Variants in SYF2 observed in about 807,000 individuals in gnomAD.
The protein encoded by SYF2 is pre-mRNA-splicing factor SYF2.
Under a neutral mutation model 32.7 loss-of-function variants are expected in SYF2, and 21 were observed. That is an observed-to-expected ratio of 0.64 (90% CI 0.45 to 0.92). The LOEUF is 0.92. SYF2 is among the 40% of genes least tolerant of loss of function. The pLI is 0.00. For synonymous variants in SYF2, 114 were observed against 103.9 expected (o/e 1.10, Z -0.59); for missense variants, 278 against 296.5 (o/e 0.94, Z 0.46).
intron 2 of SYF2, among the ~76,000 whole-genome samples, chr1:25,229,473 T>C (rs116551033): frequency 1.4e-3 from 212 of 152,230 alleles, no homozygotes; most frequent in African/African-American, 4.1e-3. Flanking sequence ...GTAGACTTTA[T>C]TTGGCATTAC....
chr1:25,230,990 T>A (rs934025227), intron 2 of SYF2: 2 of 152,280 alleles, frequency 1.3e-5, no homozygotes, highest in Non-Finnish European at 2.9e-5. Flanking sequence ...CTATTTTTAG[T>A]AGAGACGGGG....
chr1:25,232,478 C>G lies in SYF2; in HGVS notation c.-11G>C. The G allele has an allele frequency of 1.2e-6, 2 of 1,614,216 alleles. No homozygotes were observed. Among genetic ancestry groups the G allele is most frequent in the Non-Finnish European group, 1.7e-6 (2 of 1,180,044 alleles). ...AGCTATAGCCGCCATCACAACCTTT[C>G]TCTCTTCCCACTTCCGGCAACAAGA... On this transcript the variant is annotated 5_prime_UTR_variant, in exon 1 of 7. Coordinates refer to ENST00000236273, the MANE Select transcript of SYF2 (RefSeq NM_015484.5).
chr1:25,229,818 CTT>C (rs1193809361), intron 2 of SYF2, among the ~76,000 whole-genome samples: 2 of 150,310 alleles, frequency 1.3e-5, no homozygotes, highest in Non-Finnish European at 3.0e-5. Flanking sequence ...GAAAGACACT[CTT>C]TCTTTTTTTT....
At chr1:25,227,632 C>A in intron 4 of SYF2, 100 bp from the exon 5 acceptor site, 1 of 1,053,652 alleles carries the variant, frequency 9.5e-7, no homozygotes, top group Non-Finnish European at 1.4e-6. Flanking sequence ...ATCTTTTATC[C>A]AAAACGCTTG....
At chr1:25,227,013 T>TA (rs1638525534) in intron 5 of SYF2, among the ~76,000 whole-genome samples, 1 of 149,274 alleles carries the variant, frequency 6.7e-6, no homozygotes, top group South Asian at 2.1e-4. Context: ...CCGGGCGCAG[T>TA]AGCTCACGCC....
chr1:25,227,443 GT>G lies in SYF2; in HGVS notation c.465del (p.Lys155AsnfsTer30). 2 of 1,612,920 alleles carry G rather than the reference GT, an allele frequency of 1.2e-6. No individual in the cohort carries two copies. The highest frequency in any genetic ancestry group is 1.7e-6 in the Non-Finnish European group (2 of 1,179,458). ...ACCTCAGGTTGAAAAAGGACTTACT[GT>G]TTTTCTCTCAGTCTCTCATATGTTT... ...DMETYERLRE[K>X]HGEEFFPTSN... On this transcript the variant is annotated frameshift_variant and splice_region_variant, in exon 5 of 7. Transcript: ENST00000236273. LOFTEE classifies it high-confidence loss of function.
At position 25,228,977 on chromosome 1, in the gene SYF2, GA is replaced by G; in HGVS notation, c.258+20del. The G allele has an allele frequency of 5.6e-6, 9 of 1,607,102 alleles. No individual in the cohort carries two copies. The highest frequency in any genetic ancestry group is 7.6e-6 in the Non-Finnish European group (9 of 1,177,966). ...CAGAATGATTGACTAAATCACTTATGAAGATAGAATAGTTCCTAACCTTTTT... is the reference window on the plus strand; with the variant it reads ...CAGAATGATTGACTAAATCACTTATGAGATAGAATAGTTCCTAACCTTTTT... On this transcript the variant is annotated intron_variant, in intron 3 of 6. Coordinates refer to ENST00000236273, the MANE Select transcript of SYF2 (RefSeq NM_015484.5).
chr1:25,232,197 G>C lies in SYF2; in HGVS notation c.39C>G (p.Ser13Arg). 6.2e-7 allele frequency: 1 copy of C among 1,613,534 alleles called. No individual in the cohort carries two copies. The highest frequency in any genetic ancestry group is 8.5e-7 in the Non-Finnish European group (1 of 1,179,946). Residue 13 changes from serine (S) to arginine (R), a missense_variant, in exon 2 of 7, where the codon AGC (serine) becomes AGG (arginine). Transcript: ENST00000236273. Reference sequence around the variant, plus strand: ...CCGCAGCGAGGGACCCCTCCTCCGCGCTGTCCACCAGCACCTGCGACAAGG... The same window carrying C: ...CCGCAGCGAGGGACCCCTCCTCCGCCCTGTCCACCAGCACCTGCGACAAGG... ...AIAASEVLVDSAEEGSLAAAA... is the reference protein window; with the variant it reads ...AIAASEVLVDRAEEGSLAAAA...
Position 25,223,450 on chromosome 1 carries a change from T to A in SYF2, c.567-19A>T, listed in dbSNP as rs1251720496. The A allele has an allele frequency of 1.3e-6, 2 of 1,594,644 alleles. No individual in the cohort carries two copies. The highest frequency in any genetic ancestry group is 1.8e-5 in the Admixed American group (1 of 55,092). On this transcript the variant is annotated intron_variant, in intron 6 of 6. Transcript: ENST00000236273. ...TTCAATCCTGGGGAAAGAAGAAAAT[T>A]TACAAAATTCAAAATTGCCTTCTCT...
intron 6 of SYF2, 50 bp downstream of exon 6, chr1:25,224,952 A>G (rs1458751771): frequency 2.3e-6 from 3 of 1,294,252 alleles, no homozygotes; most frequent in Non-Finnish European, 3.4e-6. Flanking sequence ...TTCTAAGTGC[A>G]TTTTGTCATG....
chr1:25,225,303 G>A lies in SYF2; in HGVS notation c.468-203C>T, dbSNP rs139115192. On this transcript the variant is annotated intron_variant, in intron 5 of 6. Transcript: ENST00000236273. The stretch of plus-strand genomic sequence containing the variant: ...AGCACTTTGGGAGGCCAAGGCAGGC[G>A]GATCGTTTGAGGTCAGGAGTTCAAG... Among the ~76,000 whole-genome samples, 909 of 151,964 alleles carry A rather than the reference G, an allele frequency of 6.0e-3. 11 individuals are homozygous for A. The highest frequency in any genetic ancestry group is 0.02 in the African/African-American group (846 of 41,414).
intron 5 of SYF2, among the ~76,000 whole-genome samples, chr1:25,225,436 G>A (rs532638333): frequency 1.3e-3 from 199 of 152,044 alleles, no homozygotes; most frequent in Middle Eastern, 0.01. Flanking sequence ...GCTGAGGCAG[G>A]AGAAGCACTT....
Position 25,229,687 on chromosome 1 carries a change from T to C in SYF2, c.133-564A>G, listed in dbSNP as rs548331682. On this transcript the variant is annotated intron_variant, in intron 2 of 6. Transcript: ENST00000236273. ...CTACTCGGGAGGCTGAGGCAGGAGA[T>C]TCACTTGAACCCAGGAGGCAGAGGT... Among the ~76,000 whole-genome samples, 13 of 151,784 alleles carry C rather than the reference T, an allele frequency of 8.6e-5. No individual in the cohort carries two copies. The South Asian group carries it at 2.5e-3, about 29-fold the overall frequency.
Position 25,222,742 on chromosome 1 carries a change from T to C in SYF2, c.*524A>G, listed in dbSNP as rs1439394904. ...AAGGGAACTGTACATGATCAGATCA[T>C]GGAAGGATAGCTCCACTCCTCCCCG... On this transcript the variant is annotated 3_prime_UTR_variant, in exon 7 of 7. Transcript: ENST00000236273. 1.3e-5 allele frequency: 2 copies of C among 152,796 alleles called. No individual in the cohort carries two copies. The highest frequency in any genetic ancestry group is 6.5e-5 in the Admixed American group (1 of 15,342). 9.5% of individuals were successfully genotyped at this position (152,796 alleles called of 1,614,324 possible). A position where few individuals can be genotyped will look rare whatever the true frequency, so the allele number is the denominator to read the frequency against.
intron 2 of SYF2, 124 bp from the exon 3 acceptor site, chr1:25,229,247 C>T: frequency 6.1e-6 from 7 of 1,143,878 alleles, no homozygotes; most frequent in Non-Finnish European, 8.5e-6. Context: ...ATCCTAAAAG[C>T]AATAGAGAGC....
At chr1:25,227,579 G>A in intron 4 of SYF2, 47 bp from the exon 5 acceptor site, 1 of 1,551,754 alleles carries the variant, frequency 6.4e-7, no homozygotes, top group Non-Finnish European at 8.8e-7. Flanking sequence ...TCCTTGTTTG[G>A]ACCTTCCTAT....
chr1:25,226,595 A>G (rs1638513721), intron 5 of SYF2, among the ~76,000 whole-genome samples: 1 of 152,244 alleles, frequency 6.6e-6, no homozygotes, highest in South Asian at 2.1e-4. Context: ...GGTGTTAACC[A>G]ATCAACAACC....
intron 6 of SYF2, 48 bp from the exon 7 acceptor site, chr1:25,223,479 G>A (rs12089925): frequency 3.2e-6 from 5 of 1,570,384 alleles, no homozygotes; most frequent in Non-Finnish European, 4.3e-6. Flanking sequence ...CTTCTCTTTT[G>A]ATCTTAATAA....
intron 2 of SYF2, 125 bp from the exon 3 acceptor site, chr1:25,229,248 A>G: frequency 8.7e-7 from 1 of 1,149,800 alleles, no homozygotes; most frequent in Non-Finnish European, 1.2e-6. Context: ...TCCTAAAAGC[A>G]ATAGAGAGCC....
Sources: gnomAD v4.1 joint callset for allele counts (sites outside exome capture counted in the v4.1 genomes callset) on GRCh38, gnomAD v4.1.1 for gene constraint, MANE v1.5 for transcripts, NCBI Gene and HGNC (gene_info 2026-07-23, HGNC 2026-07-21) for gene names.